Variants in RTN1 observed in about 807,000 individuals in gnomAD.
The protein encoded by RTN1 is reticulon 1.
RTN1 carries 25 observed loss-of-function variants against 65.5 expected under a neutral mutation model. That is an observed-to-expected ratio of 0.38 (90% CI 0.28 to 0.53). The LOEUF (loss-of-function observed/expected upper bound fraction) is 0.53, where lower values mean the gene tolerates loss of function less well. Among genes scored for constraint, RTN1 ranks in the 20% least tolerant of loss-of-function variants. The probability of loss-of-function intolerance (pLI) is 0.79; values close to 1 mark genes in which losing one functional copy is unlikely to be tolerated. For missense variants in RTN1, 983 were observed against 1,025.4 expected (o/e 0.96, Z 0.57); for synonymous variants, 471 against 447.6 (o/e 1.05, Z -0.66).
Position 59,750,078 on chromosome 14 carries a change from AT to A in RTN1, c.242-3598del, listed in dbSNP as rs1481985340. ...TATATACATATATTATATATTATATATTATAGACATATATATTATATATTAT... is the reference window on the plus strand; with the variant it reads ...TATATACATATATTATATATTATATATATAGACATATATATTATATATTAT... On this transcript the variant is annotated intron_variant, in intron 1 of 8. Coordinates refer to ENST00000267484, the MANE Select transcript of RTN1 (RefSeq NM_021136.3). 7.0e-3 allele frequency among the ~76,000 whole-genome samples: 370 copies of A among 52,768 alleles called. 6 individuals carry two copies. The highest frequency in any genetic ancestry group is 0.028 in the African/African-American group (358 of 12,846). The allele number at this position is 52,768 out of a possible 152,430, so 34.6% of individuals were successfully genotyped here.
chr14:59,676,120 C>T (rs987307844), intron 3 of RTN1, among the ~76,000 whole-genome samples: 9 of 152,150 alleles, frequency 5.9e-5, no homozygotes, highest in African/African-American at 1.9e-4. Context: ...TGACATATGG[C>T]AGACAGTCCA....
At chr14:59,784,003 C>G (rs1261792420) in intron 1 of RTN1, among the ~76,000 whole-genome samples, 1 of 150,782 alleles carries the variant, frequency 6.6e-6, no homozygotes, top group Non-Finnish European at 1.5e-5. Context: ...CACTTATTGG[C>G]TGTTTGTTAT....
intron 3 of RTN1, among the ~76,000 whole-genome samples, chr14:59,689,200 A>C (rs1284075766): frequency 6.6e-6 from 1 of 152,154 alleles, no homozygotes; most frequent in East Asian, 1.9e-4. Flanking sequence ...CAGACCAAGC[A>C]GAAGAAAGAA....
intron 1 of RTN1, among the ~76,000 whole-genome samples, chr14:59,748,943 C>T (rs545598734): frequency 1.3e-5 from 2 of 151,638 alleles, no homozygotes; most frequent in African/African-American, 4.8e-5. Flanking sequence ...GCATGTGCCA[C>T]CACACCCAGC....
At chr14:59,757,109 G>C (rs1460086908) in intron 1 of RTN1, among the ~76,000 whole-genome samples, 1 of 152,114 alleles carries the variant, frequency 6.6e-6, no homozygotes, top group Admixed American at 6.6e-5. Flanking sequence ...ATGCTGCTGT[G>C]GTCTGAATGT....
At chr14:59,793,549 T>G (rs1411840252) in intron 1 of RTN1, among the ~76,000 whole-genome samples, 1 of 152,086 alleles carries the variant, frequency 6.6e-6, no homozygotes, top group East Asian at 1.9e-4. Context: ...TAAGTATGTG[T>G]ATGTGTGTGT....
At chr14:59,722,146 G>A in intron 3 of RTN1, among the ~76,000 whole-genome samples, 1 of 152,220 alleles carries the variant, frequency 6.6e-6, no homozygotes, top group Non-Finnish European at 1.5e-5. Context: ...GAGGGTTAGA[G>A]TCCTGGAGGT....
At chr14:59,713,274 T>C (rs978465541) in intron 3 of RTN1, among the ~76,000 whole-genome samples, 1 of 152,078 alleles carries the variant, frequency 6.6e-6, no homozygotes, top group Admixed American at 6.5e-5. Flanking sequence ...GGGCCACTGG[T>C]GGGGGAAAGG....
At chr14:59,598,392 C>T (rs10873119) in intron 8 of RTN1, among the ~76,000 whole-genome samples, 36,220 of 151,996 alleles carry the variant, frequency 0.24, 4,492 homozygotes, top group South Asian at 0.35. Flanking sequence ...TGAGATTGCA[C>T]GATGTGTGGC....
At chr14:59,607,923 A>C (rs1296921884) in intron 3 of RTN1, among the ~76,000 whole-genome samples, 2 of 151,002 alleles carry the variant, frequency 1.3e-5, no homozygotes, top group African/African-American at 2.4e-5. Context: ...AAAGAGAGAG[A>C]GAGCCCCTGG....
chr14:59,788,272 T>C (rs994240757), intron 1 of RTN1, among the ~76,000 whole-genome samples: 2 of 152,212 alleles, frequency 1.3e-5, no homozygotes, highest in African/African-American at 4.8e-5. Context: ...GTTGGGTTTT[T>C]TTTCTTTTGA....
chr14:59,680,832 T>C (rs1409730123), intron 3 of RTN1, among the ~76,000 whole-genome samples: 1 of 152,192 alleles, frequency 6.6e-6, no homozygotes, highest in East Asian at 1.9e-4. Context: ...AACTGAAAAG[T>C]GATAGGCATC....
chr14:59,850,428 A>G (rs1887483321), intron 1 of RTN1, among the ~76,000 whole-genome samples: 1 of 152,250 alleles, frequency 6.6e-6, no homozygotes, highest in Admixed American at 6.5e-5. Context: ...AGTGAAAGAC[A>G]GAATGGTTGT....
intron 3 of RTN1, among the ~76,000 whole-genome samples, chr14:59,704,742 G>C (rs1430765510): frequency 6.6e-6 from 1 of 152,182 alleles, no homozygotes; most frequent in African/African-American, 2.4e-5. Flanking sequence ...TCTTGGGGGA[G>C]CCAGTGCTGG....
chr14:59,690,521 G>A (rs1472398278), intron 3 of RTN1, among the ~76,000 whole-genome samples: 1 of 152,108 alleles, frequency 6.6e-6, no homozygotes, highest in Non-Finnish European at 1.5e-5. Context: ...CCTACTGACA[G>A]TATTAGATAA....
intron 5 of RTN1, 94 bp from the exon 6 acceptor site, chr14:59,604,015 CAGAATACATCATG>C (rs1881665214): frequency 1.2e-6 from 1 of 866,584 alleles, no homozygotes; most frequent in African/African-American, 1.7e-5. Flanking sequence ...GAATTTGAGT[CAGAATACATCATG>C]ATTTCGATAG....
intron 3 of RTN1, among the ~76,000 whole-genome samples, chr14:59,713,332 T>C (rs948641018): frequency 2.0e-5 from 3 of 152,202 alleles, no homozygotes; most frequent in Non-Finnish European, 4.4e-5. Context: ...TAGTTGCGGA[T>C]TCCCAGTCCT....
chr14:59,870,465 G>A lies in RTN1; in HGVS notation c.166C>T (p.Arg56Trp), dbSNP rs752588990. 3 of 1,484,360 alleles carry A rather than the reference G, an allele frequency of 2.0e-6. No homozygotes were observed. Among genetic ancestry groups the A allele is most frequent in the Admixed American group, 2.4e-5 (1 of 42,506 alleles). 91.9% of individuals were successfully genotyped at this position (1,484,360 alleles called of 1,614,324 possible). Residue 56 changes from arginine to tryptophan, a missense_variant, in exon 1 of 9, where the codon CGG becomes TGG. This residue lies in a region of RTN1 where 818 missense variants were observed against 801.8 expected (regional missense o/e 1.02). Transcript: ENST00000267484. This position sits in a 1 kb window ranked among gnomAD's most constrained non-coding sequence, Gnocchi z 5.1. ...CCGGCTTCCCGCGACGCCGCTTCCCGGGCCCTGGCGCCCAACCCCGGGCTG... is the reference window on the plus strand; with the variant it reads ...CCGGCTTCCCGCGACGCCGCTTCCCAGGCCCTGGCGCCCAACCCCGGGCTG... The part of the protein sequence containing the change: ...EPSPGLGARA[R>W]EAASREAGSG...
chr14:59,684,029 C>T (rs558836141), intron 3 of RTN1, among the ~76,000 whole-genome samples: 2 of 152,094 alleles, frequency 1.3e-5, no homozygotes, highest in Admixed American at 1.3e-4. Flanking sequence ...TTTCTAATGA[C>T]CAAGCAAAGT....
Sources: gnomAD v4.1 joint callset for allele counts (sites outside exome capture counted in the v4.1 genomes callset) on GRCh38, gnomAD v4.1.1 for gene constraint, gnomAD v4.1.1 regional missense constraint, Gnocchi (gnomAD v3.1) non-coding constraint, MANE v1.5 for transcripts, NCBI Gene and HGNC (gene_info 2026-07-23, HGNC 2026-07-21) for gene names.